Variants in TACC2 observed in about 807,000 individuals in gnomAD.
TACC2 encodes the protein transforming acidic coiled-coil containing protein 2, also known as transforming acidic coiled-coil-containing protein 2.
Under a neutral mutation model 227.3 loss-of-function variants are expected in TACC2, and 137 were observed. That is an observed-to-expected ratio of 0.60 (90% CI 0.52 to 0.69). TACC2 has a LOEUF of 0.69. Among genes scored for constraint, TACC2 ranks in the 30% least tolerant of loss-of-function variants. The pLI is 0.00. For synonymous variants in TACC2, 1,523 were observed against 1,487.5 expected (o/e 1.02, Z -0.55); for missense variants, 3,470 against 3,694.4 (o/e 0.94, Z 1.57).
intron 7 of TACC2, among the ~76,000 whole-genome samples, chr10:122,145,145 C>T (rs2091199960): frequency 6.6e-6 from 1 of 152,202 alleles, no homozygotes; most frequent in Non-Finnish European, 1.5e-5. Context: ...AAACATAAAT[C>T]CACAATATGA....
In TACC2 at chr10:122,050,762, C is replaced by G. The variant is rs979104077; in HGVS notation, c.146+212C>G. 3 of 527,816 alleles carry G rather than the reference C, an allele frequency of 5.7e-6. No homozygotes were observed. The highest frequency in any genetic ancestry group is 3.8e-5 in the African/African-American group (2 of 51,986). The allele number at this position is 527,816 out of a possible 1,614,324, so 32.7% of individuals were successfully genotyped here. A position where few individuals can be genotyped will look rare whatever the true frequency, so the allele number is the denominator to read the frequency against. On this transcript the variant is annotated intron_variant, in intron 3 of 22. Coordinates refer to ENST00000369005, the MANE Select transcript of TACC2 (RefSeq NM_206862.4). This position sits in a 1 kb window ranked among gnomAD's most constrained non-coding sequence, Gnocchi z 4.6. ...TGAAAAATTCATCCTGATTGCCTGC[C>G]CAAAGATGAAATTAGTAATTATAGA...
chr10:122,090,280 C>G lies in TACC2; in HGVS notation c.5573+1689C>G, dbSNP rs149143183. Among the ~76,000 whole-genome samples, 1,038 of 152,094 alleles carry G rather than the reference C, an allele frequency of 6.8e-3. 6 individuals are homozygous for G. Among genetic ancestry groups the G allele is most frequent in the African/African-American group, 0.024 (1,005 of 41,504 alleles). On this transcript the variant is annotated intron_variant, in intron 5 of 22. Coordinates refer to ENST00000369005, the MANE Select transcript of TACC2 (RefSeq NM_206862.4). ...GATACAGAAGGGGCAGGTGTGGTGG[C>G]TCACACCTGTAATCCCAGCACTTTG...
intron 5 of TACC2, among the ~76,000 whole-genome samples, chr10:122,132,048 GAAA>G (rs2088284287): frequency 4.7e-5 from 1 of 21,320 alleles, no homozygotes; most frequent in African/African-American, 1.9e-4. Flanking sequence ...AAGAAAGAAA[GAAA>G]GAAAGAAAGA....
At chr10:122,248,372 G>T (rs1386307208) in intron 19 of TACC2, 3 of 450,322 alleles carry the variant, frequency 6.7e-6, no homozygotes, top group Non-Finnish European at 1.2e-5. Flanking sequence ...CTGTGAAGGG[G>T]CCGTACTGAT....
chr10:122,193,871 G>T (rs897608919), intron 7 of TACC2, among the ~76,000 whole-genome samples: 3 of 152,082 alleles, frequency 2.0e-5, no homozygotes, highest in Non-Finnish European at 4.4e-5. Context: ...TGAGTCACCG[G>T]TGGAAGCAGG....
At chr10:122,171,841 C>A (rs2093486371) in intron 7 of TACC2, among the ~76,000 whole-genome samples, 1 of 152,142 alleles carries the variant, frequency 6.6e-6, no homozygotes, top group South Asian at 2.1e-4. Context: ...CTCCTTGGGC[C>A]CTTGGCCAGG....
intron 7 of TACC2, among the ~76,000 whole-genome samples, chr10:122,147,945 T>G (rs540521109): frequency 2.0e-5 from 3 of 152,310 alleles, no homozygotes; most frequent in Admixed American, 2.0e-4. Context: ...CTTTCAACCA[T>G]GCGGCCATGG....
chr10:122,099,796 G>C (rs965751245), intron 5 of TACC2, among the ~76,000 whole-genome samples: 1 of 152,136 alleles, frequency 6.6e-6, no homozygotes, highest in Admixed American at 6.6e-5. Context: ...ATCACTGCAG[G>C]GTTTAGTTTT....
At chr10:121,996,990 G>A (rs1322989934) in intron 1 of TACC2, among the ~76,000 whole-genome samples, 1 of 151,968 alleles carries the variant, frequency 6.6e-6, no homozygotes, top group East Asian at 1.9e-4. Context: ...GGAGGAACTG[G>A]AGAAGGAGAA....
intron 1 of TACC2, among the ~76,000 whole-genome samples, chr10:122,010,439 T>C (rs1955783888): frequency 6.6e-6 from 1 of 152,200 alleles, no homozygotes. Flanking sequence ...TAATGTGTCA[T>C]CAAATATCTG....
At chr10:122,167,272 G>A (rs907569079) in intron 7 of TACC2, among the ~76,000 whole-genome samples, 12 of 152,224 alleles carry the variant, frequency 7.9e-5, no homozygotes, top group East Asian at 1.9e-4. Flanking sequence ...CCTGTGGATC[G>A]AAGTAGAGGG....
At chr10:122,021,566 T>C (rs1157359239) in intron 1 of TACC2, among the ~76,000 whole-genome samples, 7 of 152,126 alleles carry the variant, frequency 4.6e-5, no homozygotes. Context: ...CTGAACACAA[T>C]TAGAAACAGA....
At chr10:122,190,785 T>C (rs1487478635) in intron 7 of TACC2, among the ~76,000 whole-genome samples, 8 of 152,218 alleles carry the variant, frequency 5.3e-5, no homozygotes, top group Admixed American at 5.2e-4. Flanking sequence ...GGCATCCGGC[T>C]ACCTCATGTC....
intron 5 of TACC2, among the ~76,000 whole-genome samples, chr10:122,123,294 C>T (rs11200417): frequency 0.66 from 99,975 of 152,148 alleles, 37,101 homozygotes; most frequent in South Asian, 0.82. Flanking sequence ...TGTGAGCCAC[C>T]GCGCCTGGCC....
intron 3 of TACC2, among the ~76,000 whole-genome samples, chr10:122,080,205 C>T: frequency 7.2e-6 from 1 of 138,202 alleles, no homozygotes; most frequent in Non-Finnish European, 1.5e-5. Context: ...GGTGTCTCTT[C>T]CTTTCCTTTT....
intron 5 of TACC2, among the ~76,000 whole-genome samples, chr10:122,100,976 C>T (rs1269558357): frequency 1.3e-5 from 2 of 152,122 alleles, no homozygotes; most frequent in African/African-American, 4.8e-5. Flanking sequence ...TCTGTGAAGC[C>T]TTCCCGACCC....
At position 122,087,414 on chromosome 10, in the gene TACC2, G is replaced by A. The variant is rs1169319366; in HGVS notation, c.4914G>A (p.Arg1638=). ...PRSTCAPSPQ[R]EVLTVPEANS... ...CCACGTGTGCCCCTTCTCCTCAGAG[G>A]GAGGTTTTGACTGTGCCTGAGGCCA... The change falls in exon 4 of 23, where the codon AGG becomes AGA. Residue 1638 remains arginine (R), a synonymous_variant. Coordinates refer to ENST00000369005, the MANE Select transcript of TACC2 (RefSeq NM_206862.4). 5 of 1,614,064 alleles carry A rather than the reference G, an allele frequency of 3.1e-6. No homozygotes were observed. The highest frequency in any genetic ancestry group is 8.5e-7 in the Non-Finnish European group (1 of 1,180,044).
intron 5 of TACC2, among the ~76,000 whole-genome samples, chr10:122,115,258 A>G (rs531402142): frequency 6.4e-4 from 93 of 146,032 alleles, no homozygotes; most frequent in Admixed American, 1.6e-3. Flanking sequence ...ACCTTCAAGG[A>G]GGTAGGTAGG....
chr10:122,120,726 C>G (rs2085590513), intron 5 of TACC2, among the ~76,000 whole-genome samples: 3 of 152,160 alleles, frequency 2.0e-5, no homozygotes, highest in African/African-American at 7.2e-5. Flanking sequence ...AACATTGATT[C>G]CCTTCACTTG....
Sources: allele counts gnomAD v4.1 joint callset (sites outside exome capture counted in the v4.1 genomes callset), GRCh38; gene constraint gnomAD v4.1.1; non-coding constraint Gnocchi (gnomAD v3.1); transcripts MANE v1.5; gene names NCBI Gene and HGNC (gene_info 2026-07-23, HGNC 2026-07-21).